The following ZNF430 variants were observed in gnomAD, a reference collection of about 807,000 sequenced individuals.
The protein encoded by ZNF430 is zinc finger protein 430.
ZNF430 carries 35 observed loss-of-function variants against 56.7 expected under a neutral mutation model. The observed-to-expected ratio is 0.62, with a 90% confidence interval of 0.47 to 0.82. The LOEUF (loss-of-function observed/expected upper bound fraction) is 0.82. Among genes scored for constraint, ZNF430 ranks in the 40% least tolerant of loss-of-function variants. ZNF430 has a pLI of 0.00. For synonymous variants in ZNF430, 212 were observed against 224.3 expected, an observed-to-expected ratio of 0.94 and a Z score of 0.49; for missense variants, 574 against 661.0, an observed-to-expected ratio of 0.87 and a Z score of 1.44.
Position 21,057,838 on chromosome 19 carries a change from T to TA in ZNF430, c.1531dup (p.Thr511AsnfsTer9), listed in dbSNP as rs1968408655. The TA allele has an allele frequency of 6.2e-7, 1 of 1,613,670 alleles. No individual in the cohort carries two copies. Among genetic ancestry groups the TA allele is most frequent in the African/African-American group, 1.3e-5 (1 of 74,892 alleles). ...AACATAAGATAACTCATATTGGAGA[T>TA]ACATCTTACAAATACCTAGAATGTG... On this transcript the variant is annotated frameshift_variant, in exon 5 of 5. Transcript: ENST00000261560. LOFTEE classifies it high-confidence loss of function.
At chr19:21,023,051 A>G (rs1228048126) in intron 2 of ZNF430, among the ~76,000 whole-genome samples, 170 bp downstream of exon 2, 1 of 152,208 alleles carries the variant, frequency 6.6e-6, no homozygotes, top group Non-Finnish European at 1.5e-5. Flanking sequence ...AGTGAAAGTA[A>G]AATAGTGGAA....
Position 21,020,735 on chromosome 19 carries a change from G to T in ZNF430, c.-66G>T. On this transcript the variant is annotated 5_prime_UTR_variant, in exon 1 of 5. Transcript: ENST00000261560. ...TGCTCCTAGAGGTCCAGGCTCTGTGGCCCTGTGACCCGCAGGTATTGGGAG... is the reference window on the plus strand; with the variant it reads ...TGCTCCTAGAGGTCCAGGCTCTGTGTCCCTGTGACCCGCAGGTATTGGGAG... 1 of 1,603,768 alleles carries T rather than the reference G, an allele frequency of 6.2e-7. No homozygotes were observed.
intron 2 of ZNF430, among the ~76,000 whole-genome samples, chr19:21,024,433 C>A (rs1967754252): frequency 6.6e-6 from 1 of 152,070 alleles, no homozygotes; most frequent in African/African-American, 2.4e-5. Flanking sequence ...TTAAGGATTG[C>A]AAAGTTTAGG....
At chr19:21,023,922 T>C (rs1189894862) in intron 2 of ZNF430, among the ~76,000 whole-genome samples, 2 of 152,212 alleles carry the variant, frequency 1.3e-5, no homozygotes, top group African/African-American at 2.4e-5. Flanking sequence ...GAAATAGATA[T>C]TTTGCTTTTT....
Position 21,057,266 on chromosome 19 carries a change from G to T in ZNF430, c.958G>T (p.Glu320Ter). The T allele has an allele frequency of 6.2e-7, 1 of 1,613,322 alleles. No homozygotes were observed. Among genetic ancestry groups the T allele is most frequent in the Non-Finnish European group, 8.5e-7 (1 of 1,179,888 alleles). The part of the protein sequence containing the change: ...IHTGEKPYRC[E>*]ECGRAFNRSS... ...TACTGGAGAGAAACCCTACAGATGT[G>T]AAGAATGTGGCAGAGCTTTTAACCG... The change falls in exon 5 of 5, where the codon GAA (glutamate) becomes TAA (stop). Residue 320 changes from glutamate to a stop codon, truncating the protein, a stop_gained. Transcript: ENST00000261560. LOFTEE classifies it high-confidence loss of function.
At chr19:21,052,141 T>C (rs1968295027) in intron 4 of ZNF430, among the ~76,000 whole-genome samples, 1 of 152,220 alleles carries the variant, frequency 6.6e-6, no homozygotes, top group Admixed American at 6.5e-5. Flanking sequence ...GTCTGTTTTA[T>C]ACTCATTTCA....
At chr19:21,022,430 T>C (rs946392729) in intron 1 of ZNF430, among the ~76,000 whole-genome samples, 1 of 152,242 alleles carries the variant, frequency 6.6e-6, no homozygotes, top group Non-Finnish European at 1.5e-5. Flanking sequence ...TTACACCGTA[T>C]TTTAATTAGT....
At chr19:21,052,941 G>T (rs1477180588) in intron 4 of ZNF430, among the ~76,000 whole-genome samples, 2 of 152,104 alleles carry the variant, frequency 1.3e-5, no homozygotes, top group African/African-American at 2.4e-5. Context: ...TAGTGCACAG[G>T]TCCCTCCCCC....
intron 4 of ZNF430, among the ~76,000 whole-genome samples, chr19:21,039,447 C>CTATTTATTTATTTATTTATTTATT (rs71174789): frequency 3.9e-5 from 5 of 129,042 alleles, no homozygotes; most frequent in East Asian, 2.3e-4. Flanking sequence ...TTTACTTTTG[C>CTATTTATTTATTTATTTATTTATT]TATTTATTTA....
chr19:21,056,073 C>T (rs539290089), intron 4 of ZNF430, among the ~76,000 whole-genome samples: 1 of 152,268 alleles, frequency 6.6e-6, no homozygotes, highest in South Asian at 2.1e-4. Flanking sequence ...TCTTCTGTGT[C>T]ACTCTCTATG....
chr19:21,040,407 G>A (rs1357407711), intron 4 of ZNF430, among the ~76,000 whole-genome samples: 2 of 152,156 alleles, frequency 1.3e-5, no homozygotes, highest in African/African-American at 4.8e-5. Flanking sequence ...TAATCAGAAA[G>A]TTTTCACTAC....
At chr19:21,028,873 A>G (rs1381969638) in intron 2 of ZNF430, among the ~76,000 whole-genome samples, 1 of 151,772 alleles carries the variant, frequency 6.6e-6, no homozygotes, top group East Asian at 1.9e-4. Context: ...TTTAATAAAG[A>G]CAGGGTTTCA....
chr19:21,057,204 A>C lies in ZNF430; in HGVS notation c.896A>C (p.Asn299Thr). The C allele has an allele frequency of 6.2e-7, 1 of 1,613,812 alleles. No individual in the cohort carries two copies. The highest frequency in any genetic ancestry group is 2.2e-5 in the East Asian group (1 of 44,860). Reference protein sequence around the residue: ...YRCEECGKTFNRSSHLTTHKR... With the variant: ...YRCEECGKTFTRSSHLTTHKR... Reference sequence around the variant, plus strand: ...TGTGAAGAATGTGGCAAAACCTTTAACCGGTCCTCACACCTTACTACACAT... The same window carrying C: ...TGTGAAGAATGTGGCAAAACCTTTACCCGGTCCTCACACCTTACTACACAT... Residue 299 changes from asparagine (N) to threonine (T), a missense_variant, in exon 5 of 5, where the codon AAC becomes ACC. By Grantham distance (65) the Asn-to-Thr change is moderately conservative (BLOSUM62 0). This residue lies in a region of ZNF430 where 346 missense variants were observed against 399.1 expected (regional missense o/e 0.87). Coordinates refer to ENST00000261560, the MANE Select transcript of ZNF430 (RefSeq NM_025189.4).
In ZNF430 at chr19:21,057,024, G is replaced by A. The variant is rs762411446; in HGVS notation, c.716G>A (p.Gly239Asp). 2.5e-6 allele frequency: 4 copies of A among 1,613,914 alleles called. No individual in the cohort carries two copies. In the South Asian group the frequency reaches 3.3e-5, roughly 13 times the overall value. ...RENSYQCEECGKVFNWFSTLT... is the reference protein window; with the variant it reads ...RENSYQCEECDKVFNWFSTLT... Reference sequence around the variant, plus strand: ...AATTCTTACCAATGTGAAGAATGTGGTAAAGTCTTTAACTGGTTCTCAACC... The same window carrying A: ...AATTCTTACCAATGTGAAGAATGTGATAAAGTCTTTAACTGGTTCTCAACC... Residue 239 changes from glycine to aspartate, a missense_variant, in exon 5 of 5, where the codon GGT (glycine) becomes GAT (aspartate). Gly to Asp is a moderately conservative substitution (Grantham distance 94). Transcript: ENST00000261560.
At chr19:21,042,081 T>G (rs148850864) in intron 4 of ZNF430, among the ~76,000 whole-genome samples, 56 of 152,322 alleles carry the variant, frequency 3.7e-4, no homozygotes, top group African/African-American at 1.3e-3. Flanking sequence ...TGTTCCTGCA[T>G]TAGTTTGCTG....
intron 4 of ZNF430, among the ~76,000 whole-genome samples, chr19:21,041,841 G>A (rs1037230454): frequency 6.6e-6 from 1 of 152,160 alleles, no homozygotes; most frequent in Non-Finnish European, 1.5e-5. Flanking sequence ...AGCCTCCCAA[G>A]TAGCTGGGAT....
chr19:21,046,108 G>A (rs1432289037), intron 4 of ZNF430, among the ~76,000 whole-genome samples: 1 of 152,034 alleles, frequency 6.6e-6, no homozygotes, highest in Non-Finnish European at 1.5e-5. Context: ...AATCACCTGA[G>A]GTCAGGAGTT....
At chr19:21,026,079 C>CGTAG (rs1331243195) in intron 2 of ZNF430, 4 of 275,964 alleles carry the variant, frequency 1.4e-5, no homozygotes, top group African/African-American at 9.2e-5. Flanking sequence ...GGGGTTTCAC[C>CGTAG]ATGTTGACCA....
At chr19:21,037,129 T>A (rs546378130) in intron 4 of ZNF430, among the ~76,000 whole-genome samples, 114 of 150,804 alleles carry the variant, frequency 7.6e-4, no homozygotes, top group South Asian at 5.6e-3. Flanking sequence ...TTTTTTTTTT[T>A]ATTTTTGAGA....
Sources: allele counts gnomAD v4.1 joint callset (sites outside exome capture counted in the v4.1 genomes callset), GRCh38; gene constraint gnomAD v4.1.1; regional missense constraint gnomAD v4.1.1; transcripts MANE v1.5; gene names NCBI Gene and HGNC (gene_info 2026-07-23, HGNC 2026-07-21).